The following TAFA2 variants were observed in gnomAD, a reference collection of about 807,000 sequenced individuals.
TAFA2 encodes the protein chemokine-like protein TAFA-2.
In TAFA2, 7 loss-of-function variants were observed where a neutral mutation model predicts 18.8. The ratio of observed to expected loss-of-function variants is 0.37; its 90% CI spans 0.21 to 0.70. The LOEUF is 0.70. Ranked by LOEUF, TAFA2 falls within the 30% of genes least tolerant of loss-of-function variation. TAFA2 has a pLI of 0.53. For missense variants in TAFA2, 122 were observed against 158.1 expected (o/e 0.77, Z 1.23); for synonymous variants, 60 against 54.2 (o/e 1.11, Z -0.47).
intron 1 of TAFA2, among the ~76,000 whole-genome samples, chr12:62,075,402 G>A (rs1882735536): frequency 6.6e-6 from 1 of 152,174 alleles, no homozygotes; most frequent in South Asian, 2.1e-4. Context: ...GCATGGCCAT[G>A]TGTCCAAGCT....
chr12:62,076,034 A>C (rs1565736429), intron 1 of TAFA2, among the ~76,000 whole-genome samples: 1 of 152,230 alleles, frequency 6.6e-6, no homozygotes, highest in Non-Finnish European at 1.5e-5. Context: ...GAACTGAGCC[A>C]AAATCCACGC....
At chr12:61,936,015 T>A (rs1877750394) in intron 1 of TAFA2, among the ~76,000 whole-genome samples, 1 of 151,968 alleles carries the variant, frequency 6.6e-6, no homozygotes. Flanking sequence ...GAAGCCAGCA[T>A]CACCCTGATA....
chr12:62,003,286 C>G (rs1020791829), intron 1 of TAFA2, among the ~76,000 whole-genome samples: 1 of 152,142 alleles, frequency 6.6e-6, no homozygotes, highest in Non-Finnish European at 1.5e-5. Flanking sequence ...CAATGCCTTA[C>G]AAAGCCAGCC....
At chr12:61,835,709 C>G (rs1298613374) in intron 2 of TAFA2, among the ~76,000 whole-genome samples, 1 of 151,928 alleles carries the variant, frequency 6.6e-6, no homozygotes, top group Non-Finnish European at 1.5e-5. Context: ...TATCCTTAAA[C>G]ATAGATCTTG....
chr12:61,871,959 G>C (rs554139410), intron 1 of TAFA2, among the ~76,000 whole-genome samples: 12 of 152,154 alleles, frequency 7.9e-5, no homozygotes, highest in Non-Finnish European at 1.8e-4. Flanking sequence ...AGGCGTGGTG[G>C]CGGGCGCCTG....
intron 1 of TAFA2, among the ~76,000 whole-genome samples, chr12:61,990,337 A>ATTT (rs71083969): frequency 0.14 from 15,379 of 107,814 alleles, 1,604 homozygotes; most frequent in South Asian, 0.21. Flanking sequence ...CACTGTGCCA[A>ATTT]TTTTTTTTTT....
At chr12:61,997,125 ATG>A (rs554629949) in intron 1 of TAFA2, among the ~76,000 whole-genome samples, 340 of 151,650 alleles carry the variant, frequency 2.2e-3, no homozygotes, top group African/African-American at 7.7e-3. Flanking sequence ...ATATATGTAT[ATG>A]TGTGTGTGTA....
intron 1 of TAFA2, among the ~76,000 whole-genome samples, chr12:62,149,526 C>T (rs555658538): frequency 6.7e-6 from 1 of 149,622 alleles, no homozygotes; most frequent in South Asian, 2.1e-4. Context: ...AAAAAATAAA[C>T]ATTTGCTATA....
chr12:62,203,087 A>G (rs532826329), intron 1 of TAFA2, among the ~76,000 whole-genome samples: 214 of 152,104 alleles, frequency 1.4e-3, no homozygotes, highest in Non-Finnish European at 2.8e-3. Flanking sequence ...TCAGCCTCCC[A>G]AAGTGCTGAG....
At chr12:61,906,051 G>C (rs895712589) in intron 1 of TAFA2, among the ~76,000 whole-genome samples, 6 of 152,150 alleles carry the variant, frequency 3.9e-5, no homozygotes, top group Non-Finnish European at 1.5e-5. Context: ...ACATGAAATT[G>C]GTCCTTAATG....
chr12:61,993,764 A>C (rs949232147), intron 1 of TAFA2, among the ~76,000 whole-genome samples: 3 of 152,170 alleles, frequency 2.0e-5, no homozygotes, highest in Admixed American at 2.0e-4. Flanking sequence ...CAATGAAAAT[A>C]ATCTTTAATT....
At chr12:61,799,717 G>C (rs1022013026) in intron 2 of TAFA2, among the ~76,000 whole-genome samples, 10 of 152,178 alleles carry the variant, frequency 6.6e-5, no homozygotes, top group Non-Finnish European at 2.9e-5. Flanking sequence ...AGCTACTCGG[G>C]AGGCTGAGGC....
intron 1 of TAFA2, among the ~76,000 whole-genome samples, chr12:62,007,158 G>T (rs1328229389): frequency 6.6e-6 from 1 of 151,942 alleles, no homozygotes; most frequent in Non-Finnish European, 1.5e-5. Flanking sequence ...CCTGGAGCAT[G>T]CTGAGCATGT....
intron 1 of TAFA2, among the ~76,000 whole-genome samples, chr12:62,179,921 G>A (rs776452226): frequency 6.6e-6 from 1 of 151,978 alleles, no homozygotes; most frequent in Non-Finnish European, 1.5e-5. Flanking sequence ...AGTTCACTCC[G>A]GTCTGCCATA....
chr12:61,792,246 G>C (rs1455830841), intron 2 of TAFA2, among the ~76,000 whole-genome samples: 1 of 151,556 alleles, frequency 6.6e-6, no homozygotes, highest in Non-Finnish European at 1.5e-5. Context: ...TAAAGGACAG[G>C]GAAAAGGATG....
Position 62,204,942 on chromosome 12 carries a change from T to C in TAFA2, c.-130+53821A>G, listed in dbSNP as rs79461636. ...TGAGTCTTCAGCATGTTTTCATTGA[T>C]TCTTTCTCATCTTCATGAGTTTATT... On this transcript the variant is annotated intron_variant, in intron 1 of 5. Coordinates refer to the TAFA2 transcript ENST00000551619. 2.8e-3 allele frequency among the ~76,000 whole-genome samples: 426 copies of C among 152,340 alleles called. 1 individual carries two copies. Among genetic ancestry groups the C allele is most frequent in the Non-Finnish European group, 4.6e-3 (314 of 68,026 alleles).
chr12:62,008,652 A>T (rs2136709559), intron 1 of TAFA2, among the ~76,000 whole-genome samples: 1 of 152,284 alleles, frequency 6.6e-6, no homozygotes, highest in South Asian at 2.1e-4. Flanking sequence ...TATGCTTGTA[A>T]TCCCTAAGGA....
intron 4 of TAFA2, among the ~76,000 whole-genome samples, chr12:61,737,521 A>G (rs10784257): frequency 0.29 from 43,398 of 151,224 alleles, 6,729 homozygotes; most frequent in South Asian, 0.38. Context: ...TGGGGTTAAG[A>G]ACATCATCTA....
chr12:62,137,618 A>G lies in TAFA2; in HGVS notation c.-2+53641T>C, dbSNP rs527964004. ...TAGGGCCTTTCTCATGGAGTACATA[A>G]CTAATCCACTCAAAAGAATCCCAAC... On this transcript the variant is annotated intron_variant, in intron 1 of 4. Transcript: ENST00000416284. Among the ~76,000 whole-genome samples the G allele has an allele frequency of 2.6e-5, 4 of 152,114 alleles. No homozygotes were observed. In the South Asian group the frequency reaches 8.3e-4, roughly 32 times the overall value.
Sources: allele counts gnomAD v4.1 joint callset (sites outside exome capture counted in the v4.1 genomes callset), GRCh38; gene constraint gnomAD v4.1.1; transcripts MANE v1.5; gene names NCBI Gene and HGNC (gene_info 2026-07-23, HGNC 2026-07-21).